SPEN: variants seen among roughly 807,000 people sequenced by gnomAD.
SPEN encodes the protein spen family transcriptional repressor, also known as msx2-interacting protein.
In SPEN, 18 loss-of-function variants were observed where a neutral mutation model predicts 269.9. The ratio of observed to expected loss-of-function variants is 0.07; its 90% confidence interval spans 0.05 to 0.10. The LOEUF (loss-of-function observed/expected upper bound fraction) is 0.10, where lower values mean the gene tolerates loss of function less well. Among genes scored for constraint, SPEN ranks in the 10% least tolerant of loss-of-function variants. The pLI is 1.00. For missense variants in SPEN, 3,822 were observed against 4,631.2 expected (o/e 0.83, Z 5.07); for synonymous variants, 1,726 against 1,765.7 (o/e 0.98, Z 0.56).
chr1:15,891,679 A>AATC (rs946069538), intron 3 of SPEN, among the ~76,000 whole-genome samples: 37 of 151,710 alleles, frequency 2.4e-4, no homozygotes, highest in African/African-American at 8.9e-4. Flanking sequence ...TTTAAGCGAT[A>AATC]GGGTCTCGCT....
At position 15,938,802 on chromosome 1, in the gene SPEN, G is replaced by T; in HGVS notation, c.10789G>T (p.Ala3597Ser). ...DVVSQTESLK[A>S]AFITYLQAKQ... ...TGTGAGCCAGACCGAGTCCCTCAAGGCTGCCTTCATCACTTACCTGCAGGC... is the reference window on the plus strand; with the variant it reads ...TGTGAGCCAGACCGAGTCCCTCAAGTCTGCCTTCATCACTTACCTGCAGGC... The change falls in exon 14 of 15, where the codon GCT becomes TCT. Residue 3597 changes from alanine to serine, a missense_variant. This residue lies in a region of SPEN where 103 missense variants were observed against 215.8 expected (regional missense o/e 0.48). Coordinates refer to ENST00000375759, the MANE Select transcript of SPEN (RefSeq NM_015001.3). The T allele has an allele frequency of 6.2e-7, 1 of 1,614,094 alleles. No homozygotes were observed. Among genetic ancestry groups the T allele is most frequent in the Non-Finnish European group, 8.5e-7 (1 of 1,180,028 alleles).
chr1:15,894,536 G>GTTTTTTT lies in SPEN; in HGVS notation c.882-14768_882-14762dup, dbSNP rs766111268. Among the ~76,000 whole-genome samples, 14 of 100,380 alleles carry GTTTTTTT rather than the reference G, an allele frequency of 1.4e-4. 1 individual carries two copies. The highest frequency in any genetic ancestry group is 2.5e-4 in the African/African-American group (6 of 23,920). 65.9% of individuals were successfully genotyped at this position (100,380 alleles called of 152,430 possible). On this transcript the variant is annotated intron_variant, in intron 3 of 14. Transcript: ENST00000375759. ...ATCCTAAAACTACCATATTATGGTTGTTTTTTTTTTTTTTTTTTTTTTTGA... is the reference window on the plus strand; with the variant it reads ...ATCCTAAAACTACCATATTATGGTTGTTTTTTTTTTTTTTTTTTTTTTTTTTTTTTGA...
intron 1 of SPEN, among the ~76,000 whole-genome samples, chr1:15,851,610 G>A (rs2070336672): frequency 6.6e-6 from 1 of 152,114 alleles, no homozygotes; most frequent in Non-Finnish European, 1.5e-5. Flanking sequence ...TGCGAATTTA[G>A]TTCTTCCCAT....
intron 3 of SPEN, among the ~76,000 whole-genome samples, chr1:15,893,533 A>T (rs1184011682): frequency 2.0e-5 from 3 of 152,188 alleles, no homozygotes; most frequent in Non-Finnish European, 4.4e-5. Flanking sequence ...CAAATAGCGG[A>T]TGGCTTAGGC....
At chr1:15,850,750 A>G (rs533866490) in intron 1 of SPEN, among the ~76,000 whole-genome samples, 1 of 152,328 alleles carries the variant, frequency 6.6e-6, no homozygotes, top group South Asian at 2.1e-4. Flanking sequence ...ATTTAAGTGA[A>G]AGGAATAAAA....
At chr1:15,890,004 C>A (rs1424597007) in intron 3 of SPEN, among the ~76,000 whole-genome samples, 1 of 152,114 alleles carries the variant, frequency 6.6e-6, no homozygotes, top group African/African-American at 2.4e-5. Flanking sequence ...CATGAGCCAC[C>A]GCACCCGGCC....
chr1:15,898,949 C>T (rs1174369481), intron 3 of SPEN, among the ~76,000 whole-genome samples: 1 of 152,012 alleles, frequency 6.6e-6, no homozygotes, highest in Admixed American at 6.6e-5. Flanking sequence ...TCGATAGACA[C>T]TTGGGTTGCT....
intron 5 of SPEN, among the ~76,000 whole-genome samples, chr1:15,913,884 A>G (rs1343281720): frequency 1.3e-5 from 2 of 152,090 alleles, no homozygotes; most frequent in Non-Finnish European, 2.9e-5. Flanking sequence ...GAAAGAAAGA[A>G]AATGCACCAG....
At chr1:15,904,777 A>G (rs1291036431) in intron 3 of SPEN, among the ~76,000 whole-genome samples, 3 of 151,400 alleles carry the variant, frequency 2.0e-5, no homozygotes, top group Admixed American at 2.0e-4. Flanking sequence ...ATGGCCTGTG[A>G]TAATGTTTAT....
At chr1:15,883,771 ATTAC>A (rs2070710645) in intron 3 of SPEN, among the ~76,000 whole-genome samples, 1 of 134,986 alleles carries the variant, frequency 7.4e-6, no homozygotes, top group Admixed American at 7.5e-5. Context: ...CTATAACCCT[ATTAC>A]TTTTTTTCCT....
chr1:15,896,871 G>A (rs919936422), intron 3 of SPEN, among the ~76,000 whole-genome samples: 1 of 152,160 alleles, frequency 6.6e-6, no homozygotes, highest in Non-Finnish European at 1.5e-5. Context: ...AGGAGGCTGA[G>A]GTGGGAGGAT....
intron 3 of SPEN, among the ~76,000 whole-genome samples, chr1:15,890,723 C>T (rs573998655): frequency 6.6e-6 from 1 of 152,190 alleles, no homozygotes; most frequent in South Asian, 2.1e-4. Context: ...CATAATGAAA[C>T]TAGTGCATTT....
At chr1:15,885,368 T>C (rs1217567675) in intron 3 of SPEN, among the ~76,000 whole-genome samples, 1 of 152,232 alleles carries the variant, frequency 6.6e-6, no homozygotes, top group African/African-American at 2.4e-5. Context: ...ATTAGTGTTA[T>C]GATTAAAACA....
intron 9 of SPEN, among the ~76,000 whole-genome samples, chr1:15,921,206 G>A (rs1183629624): frequency 6.6e-6 from 1 of 152,130 alleles, no homozygotes; most frequent in African/African-American, 2.4e-5. Context: ...GCGCGTGCCT[G>A]TTAATCCCAG....
intron 3 of SPEN, among the ~76,000 whole-genome samples, chr1:15,903,790 A>G (rs1041188282): frequency 2.0e-5 from 3 of 152,128 alleles, no homozygotes; most frequent in Admixed American, 6.6e-5. Flanking sequence ...CCGGCTTCCA[A>G]TTCTTTATTT....
rs1227839570 is a variant in SPEN, at chr1:15,857,625, G to A, written c.83+9475G>A. 2.0e-5 allele frequency among the ~76,000 whole-genome samples: 3 copies of A among 151,984 alleles called. No individual in the cohort carries two copies. The East Asian group carries it at 5.8e-4, about 29-fold the overall frequency. ...GCCTGCCTCAGCCTCCCAAAGTGCT[G>A]GTATTACAGGCGTGAGCCACCGTGC... On this transcript the variant is annotated intron_variant, in intron 1 of 14. Coordinates refer to ENST00000375759, the MANE Select transcript of SPEN (RefSeq NM_015001.3).
chr1:15,850,240 A>G (rs930545827), intron 1 of SPEN, among the ~76,000 whole-genome samples: 1 of 152,148 alleles, frequency 6.6e-6, no homozygotes, highest in Non-Finnish European at 1.5e-5. Flanking sequence ...AGTCTGGAGG[A>G]ACATTACTGT....
chr1:15,918,584 T>C (rs972569549), intron 6 of SPEN, among the ~76,000 whole-genome samples: 3 of 152,246 alleles, frequency 2.0e-5, no homozygotes, highest in African/African-American at 7.2e-5. Context: ...GGGAATTATT[T>C]CTTAGGATTT....
rs577054295 is a variant in SPEN at position 15,886,596 on chromosome 1, G to A, written c.881+9918G>A. Reference sequence around the variant, plus strand: ...TCAGATCTAGCCAGGGTGAACGCCCGACTGCAAGCTGGTACAAACTCTATT... The same window carrying A: ...TCAGATCTAGCCAGGGTGAACGCCCAACTGCAAGCTGGTACAAACTCTATT... On this transcript the variant is annotated intron_variant, in intron 3 of 14. Coordinates refer to ENST00000375759, the MANE Select transcript of SPEN (RefSeq NM_015001.3). Among the ~76,000 whole-genome samples the A allele has an allele frequency of 1.1e-3, 160 of 152,308 alleles. 2 individuals carry two copies. Among genetic ancestry groups the A allele is most frequent in the South Asian group, 3.9e-3 (19 of 4,826 alleles).
Sources: allele counts gnomAD v4.1 joint callset (sites outside exome capture counted in the v4.1 genomes callset), GRCh38; gene constraint gnomAD v4.1.1; regional missense constraint gnomAD v4.1.1; transcripts MANE v1.5; gene names NCBI Gene and HGNC (gene_info 2026-07-23, HGNC 2026-07-21).